The following DMD variants were observed in gnomAD, a reference collection of about 807,000 sequenced individuals.
DMD encodes the protein mutant dystrophin.
Under a neutral mutation model 330.1 loss-of-function variants are expected in DMD, and 63 were observed. The observed-to-expected ratio is 0.19, with a 90% confidence interval of 0.16 to 0.24. DMD has a LOEUF of 0.24. Ranked by LOEUF, DMD falls within the 10% of genes least tolerant of loss-of-function variation. DMD has a pLI of 1.00. For missense variants in DMD, 3,344 were observed against 2,684.1 expected, an observed-to-expected ratio of 1.25 and a Z score of -5.43; for synonymous variants, 1,223 against 959.8, an observed-to-expected ratio of 1.27 and a Z score of -5.07.
intron 2 of DMD, among the ~76,000 whole-genome samples, chrX:32,893,317 C>T (rs6628748): frequency 0.46 from 50,545 of 110,504 alleles, 8,396 homozygotes; most frequent in East Asian, 0.69. Context: ...ACACAAAAGC[C>T]CGTATTTAGA....
rs1472629795 is a variant in DMD at position 32,246,382 on chromosome X, T to G, written c.6291-29319A>C. Among the ~76,000 whole-genome samples the G allele has an allele frequency of 1.8e-3, 178 of 96,812 alleles. 1 individual carries two copies. Among genetic ancestry groups the G allele is most frequent in the African/African-American group, 6.3e-3 (166 of 26,337 alleles). The allele number at this position is 96,812 out of a possible 115,157, so 84.1% of individuals were successfully genotyped here. A position where few individuals can be genotyped will look rare whatever the true frequency, so the allele number is the denominator to read the frequency against. The stretch of plus-strand genomic sequence containing the variant: ...CGGTATGCCAGTATTTTATTGAGGA[T>G]TTTTGCATCAATGTTCATCAAGGAT... On this transcript the variant is annotated intron_variant, in intron 43 of 78. Transcript: ENST00000357033.
Position 32,695,680 on chromosome X carries a change from G to C in DMD, c.960+2190C>G, listed in dbSNP as rs187342707. Among the ~76,000 whole-genome samples, 3 of 111,883 alleles carry C rather than the reference G, an allele frequency of 2.7e-5. No individual in the cohort carries two copies. The East Asian group carries it at 8.4e-4, about 31-fold the overall frequency. The stretch of plus-strand genomic sequence containing the variant: ...AATTGGAAATGTGGCTATAACTCAA[G>C]TAAGATTGGAAGTGGTGAAGACAGA... On this transcript the variant is annotated intron_variant, in intron 9 of 78. Transcript: ENST00000357033.
intron 51 of DMD, among the ~76,000 whole-genome samples, chrX:31,751,324 C>A (rs17340929): frequency 0.12 from 13,451 of 110,849 alleles, 584 homozygotes; most frequent in East Asian, 0.19. Context: ...AGGTCTCTTC[C>A]CAAGCAACTC....
intron 51 of DMD, among the ~76,000 whole-genome samples, chrX:31,753,124 A>G (rs1242845869): frequency 9.1e-6 from 1 of 110,421 alleles, no homozygotes; most frequent in African/African-American, 3.2e-5. Context: ...CAGGGATGTG[A>G]ATGAATCAGT....
chrX:31,699,617 T>C (rs2083665241), intron 52 of DMD, among the ~76,000 whole-genome samples: 1 of 112,043 alleles, frequency 8.9e-6, no homozygotes, highest in African/African-American at 3.2e-5. Flanking sequence ...ATTTACACAT[T>C]CTAGTCTATA....
At chrX:31,571,940 C>T (rs1489623922) in intron 55 of DMD, among the ~76,000 whole-genome samples, 1 of 111,020 alleles carries the variant, frequency 9.0e-6, no homozygotes, top group African/African-American at 3.3e-5. Context: ...TTTAGGTGGC[C>T]AAGACTTATT....
At chrX:33,212,376 G>A (rs1383566064), upstream of DMD, among the ~76,000 whole-genome samples, 1 of 111,961 alleles carries the variant, frequency 8.9e-6, no homozygotes, top group African/African-American at 3.2e-5. Flanking sequence ...CATTCAGCAT[G>A]TAAATCATTC....
rs1185145380 is a variant in DMD at position 32,898,021 on chromosome X, G to GA, written c.94-48202dup. 1.6e-4 allele frequency among the ~76,000 whole-genome samples: 18 copies of GA among 112,159 alleles called. No homozygotes were observed. In the East Asian group the frequency reaches 2.2e-3, roughly 14 times the overall value. On this transcript the variant is annotated intron_variant, in intron 2 of 78. Transcript: ENST00000357033. ...CAAAAGCCAAGAATAAAATTGCTTT[G>GA]AAGGATAATTGTTAAATGGTTATGC...
intron 29 of DMD, among the ~76,000 whole-genome samples, chrX:32,436,958 A>G (rs764730827): frequency 1.1e-4 from 12 of 110,823 alleles, no homozygotes; most frequent in African/African-American, 3.6e-4. Context: ...GTCTTTAAAA[A>G]AAAAAAAATT....
chrX:32,218,123 A>G (rs2097119999), intron 43 of DMD, among the ~76,000 whole-genome samples: 1 of 111,698 alleles, frequency 9.0e-6, no homozygotes, highest in Admixed American at 9.5e-5. Context: ...CCAGGGCTGT[A>G]TGTTTACCTA....
chrX:32,477,430 T>C (rs1203000421), intron 21 of DMD, among the ~76,000 whole-genome samples: 1 of 110,953 alleles, frequency 9.0e-6, no homozygotes, highest in Non-Finnish European at 1.9e-5. Context: ...TCTGCACCTT[T>C]TGTTTAAAAA....
intron 9 of DMD, among the ~76,000 whole-genome samples, chrX:32,657,006 CTT>C (rs1266789568): frequency 1.0e-5 from 1 of 95,481 alleles, no homozygotes; most frequent in Non-Finnish European, 2.0e-5. Context: ...AGTATACCAA[CTT>C]ATATGTGTGT....
At chrX:31,992,199 T>C (rs1380070911) in intron 44 of DMD, among the ~76,000 whole-genome samples, 2 of 111,631 alleles carry the variant, frequency 1.8e-5, no homozygotes, top group Non-Finnish European at 3.8e-5. Context: ...ACCAAATCTA[T>C]AGAGAGAGGA....
intron 55 of DMD, among the ~76,000 whole-genome samples, chrX:31,553,428 T>C (rs1357895157): frequency 8.9e-6 from 1 of 111,950 alleles, no homozygotes; most frequent in Non-Finnish European, 1.9e-5. Flanking sequence ...GGTGCAAAAG[T>C]AATTGCGTTT....
intron 44 of DMD, among the ~76,000 whole-genome samples, chrX:32,006,837 A>G (rs1314261749): frequency 2.7e-5 from 3 of 109,912 alleles, no homozygotes; most frequent in Non-Finnish European, 5.7e-5. Flanking sequence ...ACAATGATAG[A>G]CTGGATTAAG....
At chrX:32,303,495 T>C (rs1450262401) in intron 42 of DMD, among the ~76,000 whole-genome samples, 2 of 111,345 alleles carry the variant, frequency 1.8e-5, no homozygotes, top group Non-Finnish European at 3.8e-5. Context: ...CTTAAATGCA[T>C]GTATAGTGTT....
At chrX:31,510,635 G>A (rs937059330) in intron 55 of DMD, among the ~76,000 whole-genome samples, 2 of 107,461 alleles carry the variant, frequency 1.9e-5, no homozygotes, top group Non-Finnish European at 3.8e-5. Flanking sequence ...AGCCTCCCAA[G>A]TAGCTGGGAC....
At chrX:31,915,129 G>A (rs2094593549) in intron 47 of DMD, among the ~76,000 whole-genome samples, 1 of 112,350 alleles carries the variant, frequency 8.9e-6, no homozygotes, top group African/African-American at 3.2e-5. Flanking sequence ...ACCATATCTT[G>A]ATCTGATGGA....
chrX:32,866,728 GGGGGGT>G (rs1569536567), intron 2 of DMD, among the ~76,000 whole-genome samples: 25 of 31,015 alleles, frequency 8.1e-4, no homozygotes, highest in African/African-American at 2.5e-3. Context: ...TTTTTTTGGG[GGGGGGT>G]GGGGGGGTGG....
Sources: allele counts gnomAD v4.1 joint callset (sites outside exome capture counted in the v4.1 genomes callset), GRCh38; gene constraint gnomAD v4.1.1; transcripts MANE v1.5; gene names NCBI Gene and HGNC (gene_info 2026-07-23, HGNC 2026-07-21).